RTN1: variants seen among roughly 807,000 people sequenced by gnomAD.
RTN1 encodes reticulon-1.
A neutral mutation model predicts 65.5 loss-of-function variants in RTN1; 25 were observed. The ratio of observed to expected loss-of-function variants is 0.38; its 90% CI spans 0.28 to 0.53. The LOEUF (loss-of-function observed/expected upper bound fraction) is 0.53. Among genes scored for constraint, RTN1 ranks in the 20% least tolerant of loss-of-function variants. The pLI is 0.79. For synonymous variants in RTN1, 471 were observed against 447.6 expected (o/e 1.05, Z -0.66); for missense variants, 983 against 1,025.4 (o/e 0.96, Z 0.57).
intron 3 of RTN1, among the ~76,000 whole-genome samples, chr14:59,667,911 T>C (rs1368519298): frequency 6.6e-6 from 1 of 152,178 alleles, no homozygotes; most frequent in Admixed American, 6.5e-5. Flanking sequence ...GTGAAGGACC[T>C]CTTCAAGGAG....
At chr14:59,728,847 A>G (rs78402039) in intron 2 of RTN1, among the ~76,000 whole-genome samples, 6,954 of 152,310 alleles carry the variant, frequency 0.046, 211 homozygotes, top group Middle Eastern at 0.11. Context: ...TTTTCTACAC[A>G]CTTGGGATAT....
intron 1 of RTN1, among the ~76,000 whole-genome samples, chr14:59,853,933 C>T (rs1269215319): frequency 6.8e-6 from 1 of 147,220 alleles, no homozygotes; most frequent in African/African-American, 2.5e-5. Flanking sequence ...AGTGTAATCT[C>T]GGCTCACTGC....
intron 3 of RTN1, among the ~76,000 whole-genome samples, chr14:59,721,591 G>T (rs912420768): frequency 8.9e-4 from 135 of 152,294 alleles, no homozygotes; most frequent in African/African-American, 3.1e-3. Context: ...CACTCCAAAA[G>T]GTGCTGAGGT....
intron 3 of RTN1, among the ~76,000 whole-genome samples, chr14:59,702,398 A>C (rs1467531169): frequency 6.6e-6 from 1 of 152,216 alleles, no homozygotes; most frequent in Non-Finnish European, 1.5e-5. Flanking sequence ...CAACTTTTAA[A>C]GTCCATTTTA....
chr14:59,654,766 C>G (rs980925133), intron 3 of RTN1, among the ~76,000 whole-genome samples: 10 of 152,064 alleles, frequency 6.6e-5, no homozygotes, highest in African/African-American at 2.4e-4. Flanking sequence ...TTAAAAACGA[C>G]AACAAGAACA....
chr14:59,788,568 A>AT (rs1027689104), intron 1 of RTN1, among the ~76,000 whole-genome samples: 1 of 151,698 alleles, frequency 6.6e-6, no homozygotes, highest in African/African-American at 2.4e-5. Flanking sequence ...TTTTGAAGGG[A>AT]TTTTTTCTTT....
chr14:59,781,570 A>G (rs757734372), intron 1 of RTN1, among the ~76,000 whole-genome samples: 13 of 152,176 alleles, frequency 8.5e-5, no homozygotes, highest in Non-Finnish European at 1.9e-4. Flanking sequence ...CATGGTTCAC[A>G]CCACTTGTCA....
chr14:59,610,929 A>G (rs1415521896), intron 3 of RTN1, among the ~76,000 whole-genome samples: 1 of 152,162 alleles, frequency 6.6e-6, no homozygotes, highest in African/African-American at 2.4e-5. Flanking sequence ...CCACCCAGGA[A>G]TTGACTGAGC....
intron 8 of RTN1, among the ~76,000 whole-genome samples, chr14:59,602,268 T>A (rs898905112): frequency 2.6e-4 from 39 of 152,226 alleles, no homozygotes; most frequent in African/African-American, 9.1e-4. Context: ...TTAGATAGAG[T>A]TTTTGTGAAA....
chr14:59,670,214 T>C (rs891456151), intron 3 of RTN1, among the ~76,000 whole-genome samples: 1 of 152,232 alleles, frequency 6.6e-6, no homozygotes, highest in Non-Finnish European at 1.5e-5. Flanking sequence ...CTTTGCAGAA[T>C]GTGCATTAAT....
chr14:59,688,551 A>T (rs947970730), intron 3 of RTN1, among the ~76,000 whole-genome samples: 1 of 152,186 alleles, frequency 6.6e-6, no homozygotes, highest in East Asian at 1.9e-4. Flanking sequence ...TGCTTGAGGC[A>T]ACAGAGAACT....
chr14:59,696,764 G>C (rs890292678), intron 3 of RTN1, among the ~76,000 whole-genome samples: 2 of 152,100 alleles, frequency 1.3e-5, no homozygotes, highest in Admixed American at 1.3e-4. Context: ...CCAAGATAGA[G>C]GAGTCTCTTA....
intron 1 of RTN1, among the ~76,000 whole-genome samples, chr14:59,782,960 C>T (rs1886184028): frequency 6.6e-6 from 1 of 152,156 alleles, no homozygotes; most frequent in Admixed American, 6.5e-5. Context: ...GGGGCCCTGA[C>T]TATGTTGACT....
chr14:59,608,933 C>T (rs1204012182), intron 3 of RTN1, among the ~76,000 whole-genome samples: 2 of 152,126 alleles, frequency 1.3e-5, no homozygotes, highest in African/African-American at 4.8e-5. Context: ...AAGTACTGTG[C>T]TCTAAAGCCT....
At chr14:59,657,930 G>C (rs1398653782) in intron 3 of RTN1, among the ~76,000 whole-genome samples, 1 of 152,208 alleles carries the variant, frequency 6.6e-6, no homozygotes, top group Admixed American at 6.5e-5. Context: ...ATGAGGCCAG[G>C]GAGCCAAGTG....
intron 3 of RTN1, among the ~76,000 whole-genome samples, chr14:59,688,061 A>C (rs969243768): frequency 1.3e-5 from 2 of 151,804 alleles, no homozygotes; most frequent in Admixed American, 1.3e-4. Flanking sequence ...CTCATGTAGA[A>C]CAGAAGCCTG....
chr14:59,747,455 C>G (rs1035143973), intron 1 of RTN1, among the ~76,000 whole-genome samples: 1 of 152,128 alleles, frequency 6.6e-6, no homozygotes, highest in Non-Finnish European at 1.5e-5. Flanking sequence ...ACTAAAAATA[C>G]AAAATTAGCC....
At position 59,745,761 on chromosome 14, in the gene RTN1, G is replaced by A. The variant is rs775651084; in HGVS notation, c.962C>T (p.Ser321Leu). Reference protein sequence around the residue: ...SPDTVPTVTVSEPEDDSPGSI... With the variant: ...SPDTVPTVTVLEPEDDSPGSI... ...TCCTGGGCTGTCGTCTTCAGGCTCC[G>A]AGACAGTGACAGTGGGGACTGTGTC... is the stretch of plus-strand genomic sequence containing the variant. The change falls in exon 2 of 9, where the codon TCG (serine) becomes TTG (leucine). Residue 321 changes from serine to leucine, a missense_variant. Around this residue, in one of 2 missense-constraint regions of RTN1, gnomAD observed 818 missense variants for 801.8 expected, o/e 1.02. Transcript: ENST00000267484. The A allele has an allele frequency of 3.7e-6, 6 of 1,613,916 alleles. No individual in the cohort carries two copies. Among genetic ancestry groups the A allele is most frequent in the South Asian group, 2.2e-5 (2 of 91,038 alleles).
rs1887402627 is a variant in RTN1 at position 59,846,030 on chromosome 14, G to C, written c.241+24360C>G. Among the ~76,000 whole-genome samples the C allele has an allele frequency of 2.0e-5, 3 of 152,158 alleles. No homozygotes were observed. ...GAAGGCTCTGTATTTAAAAACCTGA[G>C]CTTGGAACAATTGCAGAAAAACAGT... On this transcript the variant is annotated intron_variant, in intron 1 of 8. Coordinates refer to ENST00000267484, the MANE Select transcript of RTN1 (RefSeq NM_021136.3). The surrounding 1 kb of genome is among the most constrained non-coding windows in gnomAD (Gnocchi z 4.8).
Sources: allele counts gnomAD v4.1 joint callset (sites outside exome capture counted in the v4.1 genomes callset), GRCh38; gene constraint gnomAD v4.1.1; regional missense constraint gnomAD v4.1.1; non-coding constraint Gnocchi (gnomAD v3.1); transcripts MANE v1.5; gene names NCBI Gene and HGNC (gene_info 2026-07-23, HGNC 2026-07-21).